The following TSPAN15 variants were observed in gnomAD, a reference collection of about 807,000 sequenced individuals.
TSPAN15 encodes tetraspanin-15.
Under a neutral mutation model 34.5 loss-of-function variants are expected in TSPAN15, and 20 were observed. The observed-to-expected ratio is 0.58, with a 90% CI of 0.41 to 0.84. TSPAN15 has a LOEUF of 0.84. Among genes scored for constraint, TSPAN15 ranks in the 40% least tolerant of loss-of-function variants. TSPAN15 has a pLI of 0.00. For missense variants in TSPAN15, 313 were observed against 386.1 expected (o/e 0.81, Z 1.59); for synonymous variants, 155 against 153.9 (o/e 1.01, Z -0.05).
intron 1 of TSPAN15, among the ~76,000 whole-genome samples, chr10:69,459,927 C>CA (rs901339129): frequency 4.5e-5 from 6 of 133,456 alleles, no homozygotes; most frequent in African/African-American, 1.1e-4. Flanking sequence ...GGCACCCCCC[C>CA]CCCACGAATG....
intron 1 of TSPAN15, among the ~76,000 whole-genome samples, chr10:69,468,897 A>G (rs1187094395): frequency 6.6e-6 from 1 of 152,070 alleles, no homozygotes; most frequent in African/African-American, 2.4e-5. Flanking sequence ...AGCTCTTAAA[A>G]CCCTTGGAAT....
intron 1 of TSPAN15, among the ~76,000 whole-genome samples, chr10:69,462,164 T>TTTG (rs1841280177): frequency 7.8e-6 from 1 of 128,194 alleles, no homozygotes; most frequent in African/African-American, 3.7e-5. Context: ...AGTTTTTTTT[T>TTTG]TTTTTTTTTT....
intron 1 of TSPAN15, among the ~76,000 whole-genome samples, chr10:69,456,340 G>A (rs999403550): frequency 2.0e-5 from 3 of 152,114 alleles, no homozygotes; most frequent in African/African-American, 7.2e-5. Context: ...ACCAGCCTGG[G>A]CCTCCCAAAG....
At chr10:69,492,284 C>T (rs886134880) in intron 3 of TSPAN15, among the ~76,000 whole-genome samples, 1 of 152,136 alleles carries the variant, frequency 6.6e-6, no homozygotes, top group African/African-American at 2.4e-5. Context: ...GTGCTGTCAA[C>T]GGCGGCATAG....
At chr10:69,467,916 G>C (rs1204449796) in intron 1 of TSPAN15, among the ~76,000 whole-genome samples, 3 of 152,118 alleles carry the variant, frequency 2.0e-5, no homozygotes, top group Admixed American at 2.0e-4. Flanking sequence ...TCTGAAACTT[G>C]AGGGGTGACC....
downstream of TSPAN15, among the ~76,000 whole-genome samples, chr10:69,510,309 G>A (rs1423823749): frequency 1.3e-5 from 2 of 152,150 alleles, no homozygotes; most frequent in East Asian, 3.8e-4. Context: ...CTTGTAAGTT[G>A]TATTCCTAGG....
intron 1 of TSPAN15, among the ~76,000 whole-genome samples, chr10:69,462,667 T>G (rs1841296305): frequency 6.6e-6 from 1 of 152,180 alleles, no homozygotes; most frequent in Admixed American, 6.5e-5. Flanking sequence ...CCTGGGTGAT[T>G]CTAACGTGCA....
At chr10:69,482,980 T>G (rs1199485204) in intron 1 of TSPAN15, among the ~76,000 whole-genome samples, 1 of 151,980 alleles carries the variant, frequency 6.6e-6, no homozygotes, top group East Asian at 1.9e-4. Context: ...TTTTTTTTGT[T>G]GTTGTTGTTG....
intron 1 of TSPAN15, among the ~76,000 whole-genome samples, chr10:69,452,396 A>G (rs1840992840): frequency 6.6e-6 from 1 of 152,168 alleles, no homozygotes; most frequent in African/African-American, 2.4e-5. Context: ...AAACATTGCT[A>G]ATCTCTGTAT....
chr10:69,490,513 G>A lies in TSPAN15; in HGVS notation c.358-5081G>A, dbSNP rs182037342. Among the ~76,000 whole-genome samples the A allele has an allele frequency of 6.6e-3, 1,011 of 152,316 alleles. 2 individuals carry two copies. Among genetic ancestry groups the A allele is most frequent in the Non-Finnish European group, 7.7e-3 (526 of 68,018 alleles). On this transcript the variant is annotated intron_variant, in intron 3 of 7. Coordinates refer to ENST00000373290, the MANE Select transcript of TSPAN15 (RefSeq NM_012339.5). The stretch of plus-strand genomic sequence containing the variant: ...AGGCAGGTGGATCATTTGAGGTCAG[G>A]AGTTTGAGAACAGCCTGGCCAACAC...
downstream of TSPAN15, among the ~76,000 whole-genome samples, chr10:69,508,567 T>C (rs1450426254): frequency 6.6e-6 from 1 of 151,944 alleles, no homozygotes; most frequent in Non-Finnish European, 1.5e-5. Context: ...ATGCTTGGTC[T>C]GCCATGGGTG....
At position 69,476,639 on chromosome 10, in the gene TSPAN15, G is replaced by C. The variant is rs142394825; in HGVS notation, c.97-7052G>C. Among the ~76,000 whole-genome samples the C allele has an allele frequency of 9.6e-3, 1,459 of 152,120 alleles. 14 individuals are homozygous for C. Among genetic ancestry groups the C allele is most frequent in the Middle Eastern group, 0.017 (5 of 290 alleles). On this transcript the variant is annotated intron_variant, in intron 1 of 7. Transcript: ENST00000373290. ...GGGACTGAGGATTACAATTCACCAGGTTCTCTGTACTTGATGTCCAGTTTT... is the reference window on the plus strand; with the variant it reads ...GGGACTGAGGATTACAATTCACCAGCTTCTCTGTACTTGATGTCCAGTTTT...
At chr10:69,483,991 G>T in intron 2 of TSPAN15, 115 bp downstream of exon 2, 1 of 1,153,816 alleles carries the variant, frequency 8.7e-7, no homozygotes, top group South Asian at 1.6e-5. Flanking sequence ...ACCTCCTTTA[G>T]AGAGCTCCTT....
At chr10:69,503,850 G>A (rs79850831) in intron 5 of TSPAN15, among the ~76,000 whole-genome samples, 8,252 of 152,222 alleles carry the variant, frequency 0.054, 322 homozygotes, top group South Asian at 0.13. Context: ...GGTCTAGGGC[G>A]TGACCACAGG....
chr10:69,526,575 C>A, the TSPAN15 span, among the ~76,000 whole-genome samples: 6 of 148,078 alleles, frequency 4.1e-5, no homozygotes, highest in East Asian at 7.5e-4. Flanking sequence ...GGGCAAATGG[C>A]CTGTGCCCAG....
chr10:69,522,997 C>T, the TSPAN15 span, among the ~76,000 whole-genome samples: 1 of 147,784 alleles, frequency 6.8e-6, no homozygotes, highest in Non-Finnish European at 1.5e-5. Flanking sequence ...ATCACCAAAT[C>T]CAATGTCAGG....
the TSPAN15 span, among the ~76,000 whole-genome samples, chr10:69,536,985 GAAA>G: frequency 2.7e-5 from 3 of 109,336 alleles, no homozygotes; most frequent in East Asian, 2.6e-4. Context: ...ACTACATCTT[GAAA>G]AAAAAAAAAA....
At chr10:69,464,552 C>T (rs1312495551) in intron 1 of TSPAN15, among the ~76,000 whole-genome samples, 1 of 152,202 alleles carries the variant, frequency 6.6e-6, no homozygotes, top group East Asian at 1.9e-4. Flanking sequence ...CGAGCTAGCT[C>T]TCAGGAAGGA....
the TSPAN15 span, among the ~76,000 whole-genome samples, chr10:69,533,363 C>T: frequency 6.6e-6 from 1 of 152,138 alleles, no homozygotes; most frequent in Non-Finnish European, 1.5e-5. Flanking sequence ...ATGGCATTCA[C>T]AGCAACCTAG....
Sources: allele counts gnomAD v4.1 joint callset (sites outside exome capture counted in the v4.1 genomes callset), GRCh38; gene constraint gnomAD v4.1.1; transcripts MANE v1.5; gene names NCBI Gene and HGNC (gene_info 2026-07-23, HGNC 2026-07-21).